HS3ST4: variants seen among roughly 807,000 people sequenced by gnomAD.
HS3ST4 encodes the protein heparan sulfate-glucosamine 3-sulfotransferase 4, also known as heparan sulfate glucosamine 3-O-sulfotransferase 4.
Under a neutral mutation model 29.2 loss-of-function variants are expected in HS3ST4, and 17 were observed. The observed-to-expected ratio is 0.58, with a 90% CI of 0.40 to 0.87. The LOEUF (loss-of-function observed/expected upper bound fraction) is 0.87, where lower values mean the gene tolerates loss of function less well. Among genes scored for constraint, HS3ST4 ranks in the 40% least tolerant of loss-of-function variants. The pLI is 0.00. For missense variants in HS3ST4, 627 were observed against 634.5 expected (o/e 0.99, Z 0.13); for synonymous variants, 314 against 285.7 (o/e 1.10, Z -1.00).
chr16:25,847,429 C>T (rs185487278), intron 1 of HS3ST4, among the ~76,000 whole-genome samples: 1 of 152,174 alleles, frequency 6.6e-6, no homozygotes, highest in African/African-American at 2.4e-5. Context: ...AATGATAACA[C>T]ATGCAAATAG....
chr16:26,020,442 A>G (rs1213668037), intron 1 of HS3ST4, among the ~76,000 whole-genome samples: 2 of 152,224 alleles, frequency 1.3e-5, no homozygotes, highest in African/African-American at 4.8e-5. Flanking sequence ...GACCATTCCC[A>G]CAGCCAAACG....
chr16:25,886,378 C>T (rs903542930), intron 1 of HS3ST4, among the ~76,000 whole-genome samples: 5 of 152,070 alleles, frequency 3.3e-5, no homozygotes, highest in Non-Finnish European at 5.9e-5. Flanking sequence ...TTGTGTCCCA[C>T]GTAAAGTCAA....
intron 1 of HS3ST4, among the ~76,000 whole-genome samples, chr16:25,741,755 A>G (rs1014752982): frequency 6.6e-6 from 1 of 152,100 alleles, no homozygotes; most frequent in Non-Finnish European, 1.5e-5. Flanking sequence ...CCATGCTGTG[A>G]TAGAGGTCTC....
chr16:25,841,300 C>T (rs188242687), intron 1 of HS3ST4, among the ~76,000 whole-genome samples: 34 of 151,590 alleles, frequency 2.2e-4, no homozygotes, highest in African/African-American at 6.0e-4. Context: ...CCACCACGCC[C>T]GGCCACTTTA....
intron 1 of HS3ST4, among the ~76,000 whole-genome samples, chr16:25,806,592 T>A (rs1471793979): frequency 1.3e-5 from 2 of 152,212 alleles, no homozygotes; most frequent in African/African-American, 4.8e-5. Flanking sequence ...TGTGGAGTCT[T>A]CTTTTGCTCA....
At chr16:25,836,998 C>G (rs957322897) in intron 1 of HS3ST4, among the ~76,000 whole-genome samples, 7 of 152,244 alleles carry the variant, frequency 4.6e-5, no homozygotes, top group Non-Finnish European at 1.0e-4. Context: ...CTCACCTCTT[C>G]TCTTGGGACT....
chr16:26,064,097 C>T (rs1898513758), intron 1 of HS3ST4, among the ~76,000 whole-genome samples: 1 of 152,114 alleles, frequency 6.6e-6, no homozygotes, highest in Admixed American at 6.6e-5. Context: ...CTAGTGTCCA[C>T]GTATGTGCTG....
At chr16:25,752,237 A>G (rs1336176499) in intron 1 of HS3ST4, among the ~76,000 whole-genome samples, 1 of 152,204 alleles carries the variant, frequency 6.6e-6, no homozygotes, top group Non-Finnish European at 1.5e-5. Context: ...TTAGCTTTAG[A>G]TAAGTTTCAC....
At chr16:26,065,438 C>T (rs941150866) in intron 1 of HS3ST4, among the ~76,000 whole-genome samples, 6 of 152,022 alleles carry the variant, frequency 3.9e-5, no homozygotes, top group Admixed American at 1.3e-4. Context: ...CACATGGACA[C>T]GCAGAGGGGA....
chr16:26,100,449 G>T (rs1898977229), intron 1 of HS3ST4, among the ~76,000 whole-genome samples: 1 of 152,042 alleles, frequency 6.6e-6, no homozygotes, highest in African/African-American at 2.4e-5. Context: ...TGCTATTTGG[G>T]GCCCTCTCAG....
chr16:25,893,235 C>T (rs1038848459), intron 1 of HS3ST4, among the ~76,000 whole-genome samples: 1 of 152,108 alleles, frequency 6.6e-6, no homozygotes, highest in Non-Finnish European at 1.5e-5. Flanking sequence ...GTGAGAACTG[C>T]GAGAAGCCGA....
At chr16:25,908,051 A>C (rs1195924750) in intron 1 of HS3ST4, among the ~76,000 whole-genome samples, 2 of 152,156 alleles carry the variant, frequency 1.3e-5, no homozygotes, top group East Asian at 3.8e-4. Flanking sequence ...TGTGTTTGTG[A>C]TAGAAGAGGG....
intron 1 of HS3ST4, among the ~76,000 whole-genome samples, chr16:25,754,198 T>C (rs1966740495): frequency 6.6e-6 from 1 of 152,052 alleles, no homozygotes; most frequent in Non-Finnish European, 1.5e-5. Flanking sequence ...TTGTATCTTC[T>C]AGCTAAGCTA....
intron 1 of HS3ST4, among the ~76,000 whole-genome samples, chr16:25,897,785 G>A (rs541543103): frequency 3.3e-5 from 5 of 152,042 alleles, no homozygotes; most frequent in African/African-American, 7.2e-5. Flanking sequence ...AAAAGACTCT[G>A]GCTGATGAGA....
At chr16:25,742,104 A>G (rs1966657931) in intron 1 of HS3ST4, among the ~76,000 whole-genome samples, 1 of 152,200 alleles carries the variant, frequency 6.6e-6, no homozygotes, top group South Asian at 2.1e-4. Context: ...TTTTGCTGGC[A>G]TAATTGAAAA....
At chr16:25,780,062 A>T (rs796943912) in intron 1 of HS3ST4, among the ~76,000 whole-genome samples, 4 of 152,280 alleles carry the variant, frequency 2.6e-5, no homozygotes, top group African/African-American at 9.6e-5. Context: ...CAGTTGTTTC[A>T]TGGATTTATT....
intron 1 of HS3ST4, among the ~76,000 whole-genome samples, chr16:26,051,362 T>G (rs996857066): frequency 2.6e-5 from 4 of 152,100 alleles, no homozygotes; most frequent in African/African-American, 9.7e-5. Flanking sequence ...CACAGCCTCC[T>G]CCCACAAGCT....
intron 1 of HS3ST4, among the ~76,000 whole-genome samples, chr16:25,712,538 A>G (rs1329046217): frequency 6.6e-6 from 1 of 152,104 alleles, no homozygotes; most frequent in Non-Finnish European, 1.5e-5. Flanking sequence ...AAATAAAAAG[A>G]ATGAAACAAA....
chr16:26,026,911 T>G (rs984150619), intron 1 of HS3ST4, among the ~76,000 whole-genome samples: 1 of 152,170 alleles, frequency 6.6e-6, no homozygotes, highest in East Asian at 1.9e-4. Flanking sequence ...AAATGATAAA[T>G]GCTAAACCTT....
Sources: gnomAD v4.1 joint callset for allele counts (sites outside exome capture counted in the v4.1 genomes callset) on GRCh38, gnomAD v4.1.1 for gene constraint, MANE v1.5 for transcripts, NCBI Gene and HGNC (gene_info 2026-07-23, HGNC 2026-07-21) for gene names.